CRIP1: variants seen among roughly 807,000 people sequenced by gnomAD.
The protein encoded by CRIP1 is cysteine-rich protein 1.
CRIP1 carries 11 observed loss-of-function variants against 12.9 expected under a neutral mutation model. That is an observed-to-expected ratio of 0.86 (90% CI 0.54 to 1.42). The LOEUF (loss-of-function observed/expected upper bound fraction) is 1.42. Among genes scored for constraint, CRIP1 ranks in the 40% most tolerant of loss-of-function variants. The probability of loss-of-function intolerance (pLI) is 0.00; values close to 1 mark genes in which losing one functional copy is unlikely to be tolerated. For missense variants in CRIP1, 122 were observed against 101.3 expected (o/e 1.20, Z -0.88); for synonymous variants, 41 against 37.2 (o/e 1.10, Z -0.37).
chr14:105,486,953 T>C lies in CRIP1; in HGVS notation c.-81T>C. The C allele has an allele frequency of 8.4e-7, 1 of 1,196,242 alleles. No individual in the cohort carries two copies. Among genetic ancestry groups the C allele is most frequent in the Non-Finnish European group, 1.0e-6 (1 of 963,474 alleles). 74.1% of individuals were successfully genotyped at this position (1,196,242 alleles called of 1,614,324 possible). ...GCTAGGGGCGCGGCTTGAACTCGCCTAAAGAGCTGCGCCCTCTCAGTAAGT... is the reference window on the plus strand; with the variant it reads ...GCTAGGGGCGCGGCTTGAACTCGCCCAAAGAGCTGCGCCCTCTCAGTAAGT... On this transcript the variant is annotated 5_prime_UTR_variant, in exon 1 of 6. Coordinates refer to ENST00000392531, the MANE Select transcript of CRIP1 (RefSeq NM_001311.5).
rs1289588878 is a variant in CRIP1, at chr14:105,488,488, G to A, written c.211G>A (p.Ala71Thr). 31 of 1,604,776 alleles carry A rather than the reference G, an allele frequency of 1.9e-5. No homozygotes were observed. The highest frequency in any genetic ancestry group is 2.6e-5 in the Non-Finnish European group (31 of 1,176,214). Residue 71 changes from alanine to threonine, a missense_variant, in exon 5 of 6, where the codon GCC becomes ACC. Transcript: ENST00000392531. ...FGPKGFGRGG[A>T]ESHTFK The stretch of plus-strand genomic sequence containing the variant: ...CTCTGCAGGCTTTGGGCGGGGCGGA[G>A]CCGAGAGCCACACTTTCAAGTAAAC...
chr14:105,487,130 G>C (rs2084127989), intron 1 of CRIP1, 69 bp from the exon 2 acceptor site: 2 of 1,417,544 alleles, frequency 1.4e-6, no homozygotes, highest in African/African-American at 1.5e-5. Flanking sequence ...CGGGGCGCGA[G>C]GGGCGGGGTC....
chr14:105,487,400 C>A (rs1490332287), intron 2 of CRIP1, 101 bp downstream of exon 2: 3 of 1,089,252 alleles, frequency 2.8e-6, no homozygotes, highest in Admixed American at 3.1e-5. Flanking sequence ...CCTGGGGCGG[C>A]GCCCCAGCCT....
intron 1 of CRIP1, 107 bp downstream of exon 1, chr14:105,487,079 A>G (rs1387568904): frequency 4.4e-6 from 6 of 1,364,000 alleles, no homozygotes; most frequent in Non-Finnish European, 5.7e-6. Flanking sequence ...CCCTGGGCCT[A>G]GATTCGAGGT....
At chr14:105,487,023 C>T (rs2084127106) in intron 1 of CRIP1, 51 bp downstream of exon 1, 10 of 1,350,564 alleles carry the variant, frequency 7.4e-6, no homozygotes, top group South Asian at 5.5e-5. Context: ...CAGTCAGGCC[C>T]GGGTCCTGCC....
chr14:105,488,845 G>A lies in CRIP1; in HGVS notation c.*188G>A. 1 of 360,908 alleles carries A rather than the reference G, an allele frequency of 2.8e-6. No individual in the cohort carries two copies. The highest frequency in any genetic ancestry group is 5.1e-6 in the Non-Finnish European group (1 of 197,278). 22.4% of individuals were successfully genotyped at this position (360,908 alleles called of 1,614,324 possible). ...GGAGTGCCAAGGGAGCTGCAGTGGG[G>A]TCCTGGCAGCAGGCTCTGCCACCGG... is the stretch of plus-strand genomic sequence containing the variant. On this transcript the variant is annotated 3_prime_UTR_variant, in exon 6 of 6. Coordinates refer to ENST00000392531, the MANE Select transcript of CRIP1 (RefSeq NM_001311.5).
Position 105,486,903 on chromosome 14 carries a change from G to C in CRIP1, c.-131G>C, listed in dbSNP as rs587603514. 9.1e-7 allele frequency: 1 copy of C among 1,093,698 alleles called. No homozygotes were observed. The highest frequency in any genetic ancestry group is 5.2e-5 in the Admixed American group (1 of 19,300). 67.7% of individuals were successfully genotyped at this position (1,093,698 alleles called of 1,614,324 possible). The stretch of plus-strand genomic sequence containing the variant: ...GGGTGAGCCTTTTGCCTCGGAACTG[G>C]ACCCGGGAGACATCACAGCGCTGGG... On this transcript the variant is annotated 5_prime_UTR_variant, in exon 1 of 6. Coordinates refer to ENST00000392531, the MANE Select transcript of CRIP1 (RefSeq NM_001311.5).
In CRIP1 at chr14:105,488,275, C is replaced by A; in HGVS notation, c.135+15C>A. 6.2e-7 allele frequency: 1 copy of A among 1,613,446 alleles called. No homozygotes were observed. Among genetic ancestry groups the A allele is most frequent in the Non-Finnish European group, 8.5e-7 (1 of 1,179,998 alleles). Reference sequence around the variant, plus strand: ...GCCACGCTGAGGTAGGTGGGACCCACCCTGGTGGCAGGGGCCAGGGGTGAT... The same window carrying A: ...GCCACGCTGAGGTAGGTGGGACCCAACCTGGTGGCAGGGGCCAGGGGTGAT... On this transcript the variant is annotated intron_variant, in intron 3 of 5. Transcript: ENST00000392531.
At position 105,488,683 on chromosome 14, in the gene CRIP1, G is replaced by A. The variant is rs1271471935; in HGVS notation, c.*26G>A. ...CACAGGTGGTGGAGACCCCATCCTT[G>A]GCTGCTTGCAGGGCCACTGTCCAGG... On this transcript the variant is annotated 3_prime_UTR_variant, in exon 6 of 6. Coordinates refer to ENST00000392531, the MANE Select transcript of CRIP1 (RefSeq NM_001311.5). 1.6e-5 allele frequency: 12 copies of A among 742,106 alleles called. No homozygotes were observed. Among genetic ancestry groups the A allele is most frequent in the Non-Finnish European group, 2.4e-5 (11 of 451,426 alleles). 46.0% of individuals were successfully genotyped at this position (742,106 alleles called of 1,614,324 possible). A position where few individuals can be genotyped will look rare whatever the true frequency, so the allele number is the denominator to read the frequency against.
Position 105,488,829 on chromosome 14 carries a change from A to C in CRIP1, c.*172A>C, listed in dbSNP as rs1567069961. The C allele has an allele frequency of 2.0e-5, 8 of 396,120 alleles. No homozygotes were observed. The highest frequency in any genetic ancestry group is 6.6e-4 in the Middle Eastern group (1 of 1,512). 24.5% of individuals were successfully genotyped at this position (396,120 alleles called of 1,614,324 possible). On this transcript the variant is annotated 3_prime_UTR_variant, in exon 6 of 6. Transcript: ENST00000392531. ...TGCGCGTGTGTGCTGGGGAGTGCCA[A>C]GGGAGCTGCAGTGGGGTCCTGGCAG...
In CRIP1 at chr14:105,486,924, C is replaced by G. The variant is rs1315910235; in HGVS notation, c.-110C>G. On this transcript the variant is annotated 5_prime_UTR_variant, in exon 1 of 6. Transcript: ENST00000392531. ...ACTGGACCCGGGAGACATCACAGCG[C>G]TGGGCTAGGGGCGCGGCTTGAACTC... 2 of 1,136,602 alleles carry G rather than the reference C, an allele frequency of 1.8e-6. No homozygotes were observed. Among genetic ancestry groups the G allele is most frequent in the Non-Finnish European group, 2.2e-6 (2 of 925,826 alleles). The allele number at this position is 1,136,602 out of a possible 1,614,324, so 70.4% of individuals were successfully genotyped here.
chr14:105,487,930 G>C (rs587615453), intron 2 of CRIP1: 6 of 546,666 alleles, frequency 1.1e-5, no homozygotes, highest in Non-Finnish European at 2.0e-5. Flanking sequence ...GGCCGCACCC[G>C]AAAGTGCCCC....
intron 1 of CRIP1, 25 bp from the exon 2 acceptor site, chr14:105,487,174 C>A: frequency 1.3e-6 from 2 of 1,510,406 alleles, no homozygotes; most frequent in Non-Finnish European, 8.9e-7. Context: ...CCCTGAAAGG[C>A]GCGGACCAGG....
chr14:105,488,403 T>TGCCCCCCCCC lies in CRIP1; in HGVS notation c.193+15_193+16insGCCCCCCCCC. 3.2e-6 allele frequency: 5 copies of TGCCCCCCCCC among 1,580,444 alleles called. No individual in the cohort carries two copies. The highest frequency in any genetic ancestry group is 4.3e-6 in the Non-Finnish European group (5 of 1,156,480). ...TGGGCCTAAAGGTATGCTCCCGTCATCCCCACCCCACCCCACCCCACAGCC... is the reference window on the plus strand; with the variant it reads ...TGGGCCTAAAGGTATGCTCCCGTCATGCCCCCCCCCCCCCACCCCACCCCACCCCACAGCC... On this transcript the variant is annotated intron_variant, in intron 4 of 5. Coordinates refer to ENST00000392531, the MANE Select transcript of CRIP1 (RefSeq NM_001311.5).
At position 105,488,756 on chromosome 14, in the gene CRIP1, CT is replaced by C; in HGVS notation, c.*100del. 3 of 582,718 alleles carry C rather than the reference CT, an allele frequency of 5.1e-6. No individual in the cohort carries two copies. Among genetic ancestry groups the C allele is most frequent in the East Asian group, 5.6e-5 (2 of 35,958 alleles). The allele number at this position is 582,718 out of a possible 1,614,324, so 36.1% of individuals were successfully genotyped here. On this transcript the variant is annotated 3_prime_UTR_variant, in exon 6 of 6. Coordinates refer to ENST00000392531, the MANE Select transcript of CRIP1 (RefSeq NM_001311.5). Reference sequence around the variant, plus strand: ...GATGCCCAGGGCTCCCTTGTTGCCCCTAATGCTCTCAGTAAACCTGAACACT... The same window carrying C: ...GATGCCCAGGGCTCCCTTGTTGCCCCAATGCTCTCAGTAAACCTGAACACT...
In CRIP1 at chr14:105,487,191, C is replaced by G; in HGVS notation, c.-61-8C>G. The G allele has an allele frequency of 6.5e-7, 1 of 1,532,304 alleles. No homozygotes were observed. The highest frequency in any genetic ancestry group is 8.8e-7 in the Non-Finnish European group (1 of 1,139,572). 94.9% of individuals were successfully genotyped at this position (1,532,304 alleles called of 1,614,324 possible). ...CTGAAAGGCGCGGACCAGGCCGGAT[C>G]CACCCAGTCTCGCGCCTGCAGCCCG... On this transcript the variant is annotated splice_region_variant and splice_polypyrimidine_tract_variant and intron_variant, in intron 1 of 5. Coordinates refer to ENST00000392531, the MANE Select transcript of CRIP1 (RefSeq NM_001311.5).
chr14:105,488,074 G>A (rs1555438397), intron 2 of CRIP1, 92 bp from the exon 3 acceptor site: 1 of 1,386,624 alleles, frequency 7.2e-7, no homozygotes, highest in Non-Finnish European at 1.0e-6. Context: ...ACAGGGCCTT[G>A]GGCAGAGCTG....
intron 2 of CRIP1, 156 bp downstream of exon 2, chr14:105,487,455 G>A (rs2141772427): frequency 3.3e-6 from 2 of 611,974 alleles, no homozygotes; most frequent in South Asian, 4.5e-5. Flanking sequence ...GGATGAGGGT[G>A]GAGGCCCCTG....
intron 2 of CRIP1, chr14:105,487,924 G>T: frequency 1.9e-6 from 1 of 537,726 alleles, no homozygotes; most frequent in South Asian, 2.2e-5. Flanking sequence ...ATTCCCGGCC[G>T]CACCCGAAAG....
Sources: gnomAD v4.1 joint callset for allele counts on GRCh38, gnomAD v4.1.1 for gene constraint, MANE v1.5 for transcripts, NCBI Gene and HGNC (gene_info 2026-07-23, HGNC 2026-07-21) for gene names.